Variants in SRGAP3 observed in about 807,000 individuals in gnomAD.
The protein encoded by SRGAP3 is SLIT-ROBO Rho GTPase activating protein 3, also known as SLIT-ROBO Rho GTPase-activating protein 3.
SRGAP3 carries 39 observed loss-of-function variants against 121.1 expected under a neutral mutation model. The ratio of observed to expected loss-of-function variants is 0.32; its 90% CI spans 0.25 to 0.42. The LOEUF (loss-of-function observed/expected upper bound fraction) is 0.42. Ranked by LOEUF, SRGAP3 falls within the 10% of genes least tolerant of loss-of-function variation. SRGAP3 has a pLI of 1.00. For missense variants in SRGAP3, 1,213 were observed against 1,470.6 expected (o/e 0.82, Z 2.86); for synonymous variants, 601 against 570.0 (o/e 1.05, Z -0.77).
chr3:9,277,532 C>T (rs542124806), intron 3 of SRGAP3, among the ~76,000 whole-genome samples: 3 of 142,504 alleles, frequency 2.1e-5, no homozygotes, highest in South Asian at 2.2e-4. Context: ...TGCTTGAACC[C>T]GGGAGGCGGA....
At chr3:9,077,135 G>A (rs897292796) in intron 4 of SRGAP3, among the ~76,000 whole-genome samples, 6 of 92,204 alleles carry the variant, frequency 6.5e-5, no homozygotes, top group Non-Finnish European at 7.6e-5. Flanking sequence ...CTCCCCCTCC[G>A]ACAAGCCCCA....
chr3:9,293,688 A>G (rs1366286138), intron 3 of SRGAP3, among the ~76,000 whole-genome samples: 1 of 152,212 alleles, frequency 6.6e-6, no homozygotes, highest in African/African-American at 2.4e-5. Context: ...ATGAACAGAC[A>G]CTTCTCAAAA....
chr3:9,027,093 G>A (rs912686311), intron 12 of SRGAP3, 98 bp from the exon 13 acceptor site: 1 of 1,081,502 alleles, frequency 9.2e-7, no homozygotes, highest in Admixed American at 1.7e-5. Flanking sequence ...CAGAATATTA[G>A]TACCATCAGA....
chr3:8,992,138 A>C (rs938926879), intron 20 of SRGAP3, among the ~76,000 whole-genome samples: 3 of 152,150 alleles, frequency 2.0e-5, no homozygotes, highest in African/African-American at 7.2e-5. Flanking sequence ...TCCCACTGTG[A>C]CTGATTTTTT....
intron 3 of SRGAP3, among the ~76,000 whole-genome samples, chr3:9,305,216 G>C (rs1284440347): frequency 6.6e-6 from 1 of 152,190 alleles, no homozygotes; most frequent in African/African-American, 2.4e-5. Context: ...GATTGGGCAG[G>C]AAGAGCCTCA....
At chr3:9,318,958 C>T (rs192776432) in intron 3 of SRGAP3, among the ~76,000 whole-genome samples, 2 of 151,910 alleles carry the variant, frequency 1.3e-5, no homozygotes, top group African/African-American at 4.8e-5. Context: ...TCTGATCTGC[C>T]ATTTTCTTCC....
intron 3 of SRGAP3, among the ~76,000 whole-genome samples, chr3:9,098,132 C>A (rs1948065046): frequency 1.3e-5 from 2 of 152,160 alleles, no homozygotes; most frequent in South Asian, 4.1e-4. Context: ...TCCCTCTGAA[C>A]AAACTTCTGT....
intron 2 of SRGAP3, among the ~76,000 whole-genome samples, chr3:9,111,861 G>A (rs1286857764): frequency 6.6e-6 from 1 of 152,166 alleles, no homozygotes; most frequent in Non-Finnish European, 1.5e-5. Context: ...TGCAAGCGTC[G>A]ACCCAGCAAG....
chr3:9,343,087 T>C (rs1369433461), intron 1 of SRGAP3, among the ~76,000 whole-genome samples: 1 of 152,204 alleles, frequency 6.6e-6, no homozygotes, highest in Non-Finnish European at 1.5e-5. Flanking sequence ...ACTGCACACA[T>C]GCAAAATTAA....
At chr3:9,111,045 TC>T (rs1284333798) in intron 2 of SRGAP3, among the ~76,000 whole-genome samples, 1 of 152,254 alleles carries the variant, frequency 6.6e-6, no homozygotes, top group Non-Finnish European at 1.5e-5. Flanking sequence ...AGCTCTGCAG[TC>T]ATTCTTCAGC....
intron 3 of SRGAP3, among the ~76,000 whole-genome samples, chr3:9,308,913 G>T (rs973157198): frequency 6.6e-6 from 1 of 152,130 alleles, no homozygotes; most frequent in Non-Finnish European, 1.5e-5. Flanking sequence ...CAGGATCCCT[G>T]AGCCTCTCTG....
chr3:9,057,613 C>A (rs1945887996), intron 7 of SRGAP3, among the ~76,000 whole-genome samples: 2 of 152,296 alleles, frequency 1.3e-5, no homozygotes, highest in South Asian at 4.1e-4. Flanking sequence ...CTGGCTGGGT[C>A]TGGGACACTG....
chr3:9,059,679 G>A (rs924301296), intron 6 of SRGAP3: 3 of 198,314 alleles, frequency 1.5e-5, no homozygotes, highest in Non-Finnish European at 3.1e-5. Flanking sequence ...CCTGCACAGC[G>A]GGTACTCGGG....
intron 18 of SRGAP3, among the ~76,000 whole-genome samples, chr3:9,009,791 G>C (rs73813249): frequency 6.6e-6 from 1 of 152,094 alleles, no homozygotes; most frequent in Non-Finnish European, 1.5e-5. Context: ...TTCATCTCCA[G>C]GGTGCCCAAT....
intron 3 of SRGAP3, among the ~76,000 whole-genome samples, chr3:9,261,907 C>T (rs1954264361): frequency 6.7e-6 from 1 of 148,572 alleles, no homozygotes; most frequent in African/African-American, 2.5e-5. Context: ...ACACATAATC[C>T]TCAGATTCAC....
At chr3:9,087,293 A>C (rs1947545738) in intron 3 of SRGAP3, among the ~76,000 whole-genome samples, 1 of 152,074 alleles carries the variant, frequency 6.6e-6, no homozygotes, top group Non-Finnish European at 1.5e-5. Context: ...TATGAGGCAC[A>C]GATGAAGTCC....
chr3:8,985,877 T>C lies in SRGAP3; in HGVS notation c.2942A>G (p.Gln981Arg), dbSNP rs1559839640. 1 of 1,599,968 alleles carries C rather than the reference T, an allele frequency of 6.3e-7. No individual in the cohort carries two copies. Among genetic ancestry groups the C allele is most frequent in the Non-Finnish European group, 8.5e-7 (1 of 1,179,914 alleles). ...ALHELRELER[Q>R]NTVKQAPDVV... ...ATCTGGCGCCTGCTTGACCGTGTTC[T>C]GCCTCTCGAGTTCCCGCAACTCGTG... The change falls in exon 22 of 22, where the codon CAG becomes CGG. Residue 981 changes from glutamine to arginine, a missense_variant. By Grantham distance (43) the Gln-to-Arg change is conservative. Coordinates refer to ENST00000383836, the MANE Select transcript of SRGAP3 (RefSeq NM_014850.4). The surrounding 1 kb of genome is among the most constrained non-coding windows in gnomAD (Gnocchi z 5.1).
chr3:9,187,848 A>G (rs1951646466), intron 1 of SRGAP3, among the ~76,000 whole-genome samples: 1 of 152,220 alleles, frequency 6.6e-6, no homozygotes, highest in African/African-American at 2.4e-5. Context: ...AGACGCCCTC[A>G]GAACACCTGC....
At chr3:9,175,603 C>A (rs1951149869) in intron 1 of SRGAP3, among the ~76,000 whole-genome samples, 1 of 152,182 alleles carries the variant, frequency 6.6e-6, no homozygotes. Flanking sequence ...CTCTGGGTAC[C>A]CCCAGGCAAT....
Sources: gnomAD v4.1 joint callset for allele counts (sites outside exome capture counted in the v4.1 genomes callset) on GRCh38, gnomAD v4.1.1 for gene constraint, Gnocchi (gnomAD v3.1) non-coding constraint, MANE v1.5 for transcripts, NCBI Gene and HGNC (gene_info 2026-07-23, HGNC 2026-07-21) for gene names.